The following LAMA1 variants were observed in gnomAD, a reference collection of about 807,000 sequenced individuals.
The protein encoded by LAMA1 is laminin subunit alpha-1.
LAMA1 carries 219 observed loss-of-function variants against 348.7 expected under a neutral mutation model. The ratio of observed to expected loss-of-function variants is 0.63; its 90% confidence interval spans 0.56 to 0.70. The LOEUF (loss-of-function observed/expected upper bound fraction) is 0.70. LAMA1 is among the 30% of genes least tolerant of loss of function. The pLI is 0.00. For missense variants in LAMA1, 3,744 were observed against 3,888.0 expected (o/e 0.96, Z 0.99); for synonymous variants, 1,487 against 1,491.0 (o/e 1.00, Z 0.06).
Position 6,999,912 on chromosome 18 carries a change from T to C in LAMA1, c.4468A>G (p.Arg1490Gly). The C allele has an allele frequency of 6.2e-7, 1 of 1,613,730 alleles. No individual in the cohort carries two copies. Among genetic ancestry groups the C allele is most frequent in the Non-Finnish European group, 8.5e-7 (1 of 1,179,624 alleles). ...CCACATGACAATCCACCCATGTACC[T>C]TTCACAGTGTTTTCCTTCATAGCCC... ...LLGYEGKHCE[R>G]CSSSYYGNPQ... Residue 1490 changes from arginine (R) to glycine (G), a missense_variant and splice_region_variant, in exon 31 of 63, where the codon AGG becomes GGG. Physicochemically the swap from Arg to Gly is moderately radical, Grantham distance 125 (BLOSUM62 -2). Around this residue, in one of 3 missense-constraint regions of LAMA1, gnomAD observed 1,983 missense variants for 1,934.3 expected, o/e 1.03. Coordinates refer to ENST00000389658, the MANE Select transcript of LAMA1 (RefSeq NM_005559.4).
intron 19 of LAMA1, 110 bp from the exon 20 acceptor site, chr18:7,017,494 C>T (rs548298988): frequency 1.3e-6 from 1 of 788,796 alleles, no homozygotes; most frequent in African/African-American, 1.7e-5. Context: ...TGTTTCAAAT[C>T]ACAAAACTAA....
At position 6,977,747 on chromosome 18, in the gene LAMA1, C is replaced by G; in HGVS notation, c.6325G>C (p.Ala2109Pro). The G allele has an allele frequency of 2.5e-6, 4 of 1,614,104 alleles. No homozygotes were observed. The highest frequency in any genetic ancestry group is 2.5e-6 in the Non-Finnish European group (3 of 1,179,998). The change falls in exon 44 of 63, where the codon GCC becomes CCC. Residue 2109 changes from alanine to proline, a missense_variant. This residue lies in a region of LAMA1 where 1,983 missense variants were observed against 1,934.3 expected (regional missense o/e 1.03). Transcript: ENST00000389658. ...LSEIKLLISQ[A>P]RKQAASIKVA... ...CTCACAGAAGCTGCTTGTTTGCGGG[C>G]CTGGCTGATCAACAGTTTAATTTCT...
chr18:6,946,360 G>T (rs1235188778), intron 61 of LAMA1, among the ~76,000 whole-genome samples: 1 of 152,136 alleles, frequency 6.6e-6, no homozygotes, highest in African/African-American at 2.4e-5. Context: ...CTAGGATTAG[G>T]GGTACAGGAG....
chr18:6,997,833 C>G lies in LAMA1; in HGVS notation c.4715G>C (p.Gly1572Ala), dbSNP rs916152680. The G allele has an allele frequency of 1.2e-5, 20 of 1,614,172 alleles. No individual in the cohort carries two copies. The highest frequency in any genetic ancestry group is 1.7e-5 in the Non-Finnish European group (20 of 1,179,996). The change falls in exon 33 of 63, where the codon GGT becomes GCT. Residue 1572 changes from glycine (G) to alanine (A), a missense_variant. Physicochemically the swap from Gly to Ala is moderately conservative, Grantham distance 60. This residue lies in a region of LAMA1 where 1,983 missense variants were observed against 1,934.3 expected (regional missense o/e 1.03). Transcript: ENST00000389658. The part of the protein sequence containing the change: ...GVLLNDLDEI[G>A]DAVLSLNLTG... ...GAGGTTCAGAGAAAGAACGGCATCA[C>G]CAATCTCATCCAAGTCATTCAGCAG...
chr18:7,113,869 G>T (rs1457976521), intron 1 of LAMA1, among the ~76,000 whole-genome samples: 1 of 152,172 alleles, frequency 6.6e-6, no homozygotes, highest in African/African-American at 2.4e-5. Flanking sequence ...CAGGTCATGA[G>T]ATCGAGACCA....
intron 20 of LAMA1, 134 bp downstream of exon 20, chr18:7,017,144 C>T (rs553839124): frequency 1.2e-4 from 91 of 769,738 alleles, no homozygotes; most frequent in Middle Eastern, 2.9e-4. Flanking sequence ...TTGATAAATT[C>T]CCCAGTCTTG....
At chr18:7,098,217 C>A (rs1170790816) in intron 1 of LAMA1, among the ~76,000 whole-genome samples, 40 of 152,238 alleles carry the variant, frequency 2.6e-4, no homozygotes, top group African/African-American at 6.7e-4. Context: ...ACCTCCCAGC[C>A]GCCTGCCTTG....
intron 53 of LAMA1, 144 bp downstream of exon 53, chr18:6,961,442 A>G: frequency 1.1e-6 from 1 of 902,848 alleles, no homozygotes; most frequent in Non-Finnish European, 1.7e-6. Context: ...TTCAGCAACA[A>G]TAACTTTTAC....
In LAMA1 at chr18:6,943,326, T is replaced by C. The variant is rs753696036; in HGVS notation, c.8921A>G (p.Asp2974Gly). ...YEPKTATVLC[D>G]GKWHTLQANK... Reference sequence around the variant, plus strand: ...AGCTTGAAGAGTGTGCCATTTTCCATCACAGAGCACAGTGGCGGTTTTGGG... The same window carrying C: ...AGCTTGAAGAGTGTGCCATTTTCCACCACAGAGCACAGTGGCGGTTTTGGG... Residue 2974 changes from aspartate to glycine, a missense_variant, in exon 62 of 63, where the codon GAT becomes GGT. Transcript: ENST00000389658. 42 of 1,614,214 alleles carry C rather than the reference T, an allele frequency of 2.6e-5. 2 individuals are homozygous for C. The South Asian group carries it at 4.6e-4, about 18-fold the overall frequency.
At chr18:7,043,172 C>T in intron 8 of LAMA1, 55 bp downstream of exon 8, 1 of 1,584,906 alleles carries the variant, frequency 6.3e-7, no homozygotes, top group South Asian at 1.1e-5. Flanking sequence ...GACAAAGTCT[C>T]TTTTCCACCT....
In LAMA1 at chr18:6,982,578, G is replaced by A; in HGVS notation, c.5809C>T (p.Leu1937Phe). The change falls in exon 41 of 63, where the codon CTT (leucine) becomes TTT (phenylalanine). Residue 1937 changes from leucine (L) to phenylalanine (F), a missense_variant. Coordinates refer to ENST00000389658, the MANE Select transcript of LAMA1 (RefSeq NM_005559.4). Reference sequence around the variant, plus strand: ...ACGGCCGCTTTCCCGTTAGAAACAAGGGATTCTGAGAGCTGGAAAACAGAA... The same window carrying A: ...ACGGCCGCTTTCCCGTTAGAAACAAAGGATTCTGAGAGCTGGAAAACAGAA... The part of the protein sequence containing the change: ...VTETSLLSES[L>F]VSNGKAAVQR... The A allele has an allele frequency of 1.2e-6, 2 of 1,614,142 alleles. No homozygotes were observed. Among genetic ancestry groups the A allele is most frequent in the Non-Finnish European group, 1.7e-6 (2 of 1,180,018 alleles).
chr18:6,966,071 C>T (rs2057631617), intron 49 of LAMA1, 76 bp downstream of exon 49: 2 of 1,500,464 alleles, frequency 1.3e-6, no homozygotes, highest in South Asian at 2.3e-5. Flanking sequence ...AGTAAATCCT[C>T]ATTAAACATA....
chr18:7,017,145 C>G, intron 20 of LAMA1, 133 bp downstream of exon 20: 1 of 772,914 alleles, frequency 1.3e-6, no homozygotes, highest in South Asian at 1.5e-5. Flanking sequence ...TGATAAATTC[C>G]CCAGTCTTGG....
chr18:7,027,035 C>T (rs951925113), intron 16 of LAMA1, among the ~76,000 whole-genome samples: 11 of 149,038 alleles, frequency 7.4e-5, no homozygotes, highest in Admixed American at 7.3e-4. Context: ...GCATAAAATA[C>T]AAAGAAAGGC....
chr18:7,098,577 C>T (rs1455946193), intron 1 of LAMA1, among the ~76,000 whole-genome samples: 67 of 150,866 alleles, frequency 4.4e-4, no homozygotes, highest in Middle Eastern at 3.5e-3. Context: ...TCTGCCCGGC[C>T]GCCCCGTCTG....
intron 10 of LAMA1, among the ~76,000 whole-genome samples, chr18:7,039,300 C>T (rs2144178542): frequency 6.6e-6 from 1 of 152,110 alleles, no homozygotes; most frequent in African/African-American, 2.4e-5. Context: ...AGATTATTTC[C>T]AGTAGTATAT....
At chr18:7,054,087 A>T (rs567720449) in intron 3 of LAMA1, among the ~76,000 whole-genome samples, 7 of 152,110 alleles carry the variant, frequency 4.6e-5, no homozygotes, top group African/African-American at 1.7e-4. Flanking sequence ...TCTTTTTTTT[A>T]CATTGATTCA....
At chr18:7,069,573 G>T (rs2058137597) in intron 3 of LAMA1, among the ~76,000 whole-genome samples, 1 of 151,900 alleles carries the variant, frequency 6.6e-6, no homozygotes, top group African/African-American at 2.4e-5. Flanking sequence ...AGGGAAACTG[G>T]CACTGTGTGA....
intron 3 of LAMA1, among the ~76,000 whole-genome samples, chr18:7,055,860 T>G (rs1243866178): frequency 2.0e-5 from 3 of 151,872 alleles, no homozygotes; most frequent in African/African-American, 7.3e-5. Context: ...GGCGGGCGGA[T>G]CACGAGGTCA....
Sources: allele counts gnomAD v4.1 joint callset (sites outside exome capture counted in the v4.1 genomes callset), GRCh38; gene constraint gnomAD v4.1.1; regional missense constraint gnomAD v4.1.1; transcripts MANE v1.5; gene names NCBI Gene and HGNC (gene_info 2026-07-23, HGNC 2026-07-21).